Variants in SLC22A2 observed in about 807,000 individuals in gnomAD.
SLC22A2 encodes the protein organic cation transporter 2.
A neutral mutation model predicts 60.5 loss-of-function variants in SLC22A2; 46 were observed. That is an observed-to-expected ratio of 0.76 (90% CI 0.60 to 0.97). The LOEUF (loss-of-function observed/expected upper bound fraction) is 0.97. SLC22A2 is among the 50% of genes least tolerant of loss of function. The probability of loss-of-function intolerance (pLI) is 0.00; values close to 1 mark genes in which losing one functional copy is unlikely to be tolerated. For missense variants in SLC22A2, 701 were observed against 706.6 expected, an observed-to-expected ratio of 0.99 and a Z score of 0.09; for synonymous variants, 303 against 267.0, an observed-to-expected ratio of 1.13 and a Z score of -1.31.
chr6:160,228,252 T>G (rs1449095771), intron 9 of SLC22A2, among the ~76,000 whole-genome samples: 3 of 152,114 alleles, frequency 2.0e-5, no homozygotes, highest in Admixed American at 2.0e-4. Context: ...TGAGGAGACC[T>G]CCCCTCCGCC....
rs905959585 is a variant in SLC22A2, at chr6:160,230,248, C to T, written c.1502-5444G>A. On this transcript the variant is annotated intron_variant, in intron 9 of 10. Transcript: ENST00000366953. ...ACCCGGTCTGGTTTACAGTTTCGTT[C>T]CACAACTAGCCCTCCCCCACCTGCC... Among the ~76,000 whole-genome samples the T allele has an allele frequency of 1.9e-4, 29 of 151,944 alleles. 1 individual carries two copies. The highest frequency in any genetic ancestry group is 1.2e-4 in the Non-Finnish European group (8 of 68,032).
At chr6:160,247,319 A>T (rs1783111960) in intron 4 of SLC22A2, 21 bp from the exon 5 acceptor site, 4 of 1,292,894 alleles carry the variant, frequency 3.1e-6, no homozygotes, top group Non-Finnish European at 4.5e-6. Context: ...AGGTGAGCGG[A>T]GGGCAACTCT....
intron 3 of SLC22A2, 137 bp from the exon 4 acceptor site, chr6:160,249,521 TAA>T: frequency 1.4e-6 from 1 of 695,344 alleles, no homozygotes; most frequent in Middle Eastern, 2.7e-4. Context: ...TGAATATTTT[TAA>T]GTGTTTTTTG....
At chr6:160,257,463 C>T (rs1783293120) in intron 1 of SLC22A2, among the ~76,000 whole-genome samples, 2 of 151,994 alleles carry the variant, frequency 1.3e-5, no homozygotes, top group South Asian at 4.2e-4. Flanking sequence ...CTGCTTGGGG[C>T]CTCAGTTTCC....
intron 2 of SLC22A2, among the ~76,000 whole-genome samples, chr6:160,254,060 C>A (rs894376605): frequency 1.5e-4 from 23 of 152,110 alleles, no homozygotes; most frequent in African/African-American, 5.6e-4. Flanking sequence ...GGCAGATCAC[C>A]TAAGGTCAGT....
intron 9 of SLC22A2, among the ~76,000 whole-genome samples, chr6:160,236,433 A>G (rs1318161241): frequency 6.6e-6 from 1 of 152,228 alleles, no homozygotes; most frequent in Non-Finnish European, 1.5e-5. Flanking sequence ...TAAGTCAAGT[A>G]TATTCCTGTG....
chr6:160,256,549 G>A, intron 2 of SLC22A2, 65 bp downstream of exon 2: 1 of 1,046,566 alleles, frequency 9.6e-7, no homozygotes, highest in Non-Finnish European at 1.5e-6. Flanking sequence ...GCAGGGGCAG[G>A]TGCATCCAAG....
chr6:160,232,389 G>T lies in SLC22A2; in HGVS notation c.1502-7585C>A, dbSNP rs182918749. 1.6e-3 allele frequency among the ~76,000 whole-genome samples: 245 copies of T among 151,870 alleles called. 4 individuals are homozygous for T. In the Middle Eastern group the frequency reaches 0.02, roughly 13 times the overall value. On this transcript the variant is annotated intron_variant, in intron 9 of 10. Transcript: ENST00000366953. ...TTCCACATCTATCATTGAGGCTACC[G>T]CTCTGCCCCCCACTATCTCTCAGCA...
intron 3 of SLC22A2, 82 bp from the exon 4 acceptor site, chr6:160,249,466 A>T: frequency 1.0e-6 from 1 of 964,202 alleles, no homozygotes; most frequent in Non-Finnish European, 1.6e-6. Flanking sequence ...TAGAACACCA[A>T]CCTCAAAAAT....
intron 1 of SLC22A2, 41 bp from the exon 2 acceptor site, chr6:160,256,758 G>A: frequency 7.5e-7 from 1 of 1,337,770 alleles, no homozygotes. Flanking sequence ...GGAGAGAAAG[G>A]AAATGAAATC....
intron 6 of SLC22A2, among the ~76,000 whole-genome samples, 169 bp from the exon 7 acceptor site, chr6:160,243,955 G>T (rs1007493514): frequency 6.6e-6 from 1 of 152,172 alleles, no homozygotes; most frequent in African/African-American, 2.4e-5. Flanking sequence ...TTCAGTGGCT[G>T]GCTGTGGCTG....
At chr6:160,229,718 C>T (rs1782788434) in intron 9 of SLC22A2, among the ~76,000 whole-genome samples, 1 of 151,764 alleles carries the variant, frequency 6.6e-6, no homozygotes, top group South Asian at 2.1e-4. Context: ...TATGGACAAC[C>T]TTCCACCTTC....
chr6:160,242,704 G>A (rs1201320221), intron 7 of SLC22A2, among the ~76,000 whole-genome samples: 4 of 151,872 alleles, frequency 2.6e-5, no homozygotes, highest in African/African-American at 9.7e-5. Context: ...CCCCACACAT[G>A]CATTCCACCC....
At chr6:160,238,930 G>C (rs1385467619) in intron 9 of SLC22A2, among the ~76,000 whole-genome samples, 2 of 152,102 alleles carry the variant, frequency 1.3e-5, no homozygotes, top group African/African-American at 4.8e-5. Context: ...CAGGGGCTGG[G>C]TAAAATGGGG....
intron 10 of SLC22A2, among the ~76,000 whole-genome samples, chr6:160,219,187 A>AACAACAGTAGCG (rs1307988195): frequency 1.3e-5 from 2 of 152,190 alleles, no homozygotes; most frequent in African/African-American, 2.4e-5. Flanking sequence ...CAACAGCAGC[A>AACAACAGTAGCG]ACAACAGTAG....
At chr6:160,248,957 C>T (rs550519432) in intron 4 of SLC22A2, among the ~76,000 whole-genome samples, 48 of 152,300 alleles carry the variant, frequency 3.2e-4, no homozygotes, top group African/African-American at 1.1e-3. Context: ...CTAATTTAAA[C>T]ACCAAATAAA....
At chr6:160,221,427 A>G (rs1244743062) in intron 10 of SLC22A2, among the ~76,000 whole-genome samples, 2 of 152,236 alleles carry the variant, frequency 1.3e-5, no homozygotes, top group East Asian at 3.8e-4. Flanking sequence ...CATATCAGCA[A>G]TAAGGCTGTT....
intron 9 of SLC22A2, among the ~76,000 whole-genome samples, chr6:160,233,953 C>T (rs1782869249): frequency 1.3e-5 from 2 of 152,078 alleles, no homozygotes; most frequent in Admixed American, 6.5e-5. Context: ...CAAGCTAAGC[C>T]ATCATATCCC....
At chr6:160,220,822 C>T (rs923421453) in intron 10 of SLC22A2, among the ~76,000 whole-genome samples, 1 of 152,068 alleles carries the variant, frequency 6.6e-6, no homozygotes, top group Non-Finnish European at 1.5e-5. Context: ...GTCTAAACGG[C>T]GGGCTTAAAA....
Sources: allele counts gnomAD v4.1 joint callset (sites outside exome capture counted in the v4.1 genomes callset), GRCh38; gene constraint gnomAD v4.1.1; transcripts MANE v1.5; gene names NCBI Gene and HGNC (gene_info 2026-07-23, HGNC 2026-07-21).